The following CROT variants were observed in gnomAD, a reference collection of about 807,000 sequenced individuals.
CROT encodes the protein peroxisomal carnitine O-octanoyltransferase.
CROT carries 84 observed loss-of-function variants against 89.2 expected under a neutral mutation model. That is an observed-to-expected ratio of 0.94 (90% CI 0.79 to 1.13). The LOEUF (loss-of-function observed/expected upper bound fraction) is 1.13, where lower values mean the gene tolerates loss of function less well. CROT is among the 50% of genes most tolerant of loss of function. CROT has a pLI of 0.00. For missense variants in CROT, 711 were observed against 727.8 expected (o/e 0.98, Z 0.27); for synonymous variants, 212 against 239.5 (o/e 0.89, Z 1.06).
chr7:87,364,671 G>T (rs1233110106), intron 6 of CROT, among the ~76,000 whole-genome samples: 1 of 152,076 alleles, frequency 6.6e-6, no homozygotes, highest in African/African-American at 2.4e-5. Flanking sequence ...CAGGAGAGGA[G>T]GAAAAATAAT....
At chr7:87,356,674 G>A (rs906721347) in intron 3 of CROT, among the ~76,000 whole-genome samples, 1 of 152,182 alleles carries the variant, frequency 6.6e-6, no homozygotes, top group Non-Finnish European at 1.5e-5. Context: ...GATAAAGATT[G>A]CTGCCTGTTT....
At chr7:87,378,365 G>T (rs1806878513) in intron 10 of CROT, among the ~76,000 whole-genome samples, 1 of 149,314 alleles carries the variant, frequency 6.7e-6, no homozygotes, top group Admixed American at 6.7e-5. Flanking sequence ...AAAAAAAAGG[G>T]TTCAGTAGTT....
chr7:87,359,873 C>T, intron 4 of CROT: 2 of 985,922 alleles, frequency 2.0e-6, no homozygotes, highest in South Asian at 4.7e-5. Flanking sequence ...TTCTTCAGCT[C>T]AACCATTTCT....
chr7:87,390,116 G>T (rs1807313113), intron 13 of CROT, among the ~76,000 whole-genome samples: 1 of 152,072 alleles, frequency 6.6e-6, no homozygotes, highest in Non-Finnish European at 1.5e-5. Flanking sequence ...TTAACATGTT[G>T]CTCAGTCTCC....
In CROT at chr7:87,392,123, CT is replaced by C. The variant is rs370986515; in HGVS notation, c.1425+419del. On this transcript the variant is annotated intron_variant, in intron 14 of 17. Transcript: ENST00000331536. ...ACAGTTGTATGCTTTGTTTCATACTCTTTTTTTTGAAGCATTTAGACAACAG... is the reference window on the plus strand; with the variant it reads ...ACAGTTGTATGCTTTGTTTCATACTCTTTTTTTGAAGCATTTAGACAACAG... Among the ~76,000 whole-genome samples the C allele has an allele frequency of 4.8e-3, 728 of 152,058 alleles. 2 individuals are homozygous for C. The highest frequency in any genetic ancestry group is 7.7e-3 in the Non-Finnish European group (521 of 67,952).
At chr7:87,354,132 A>T (rs761173191) in intron 3 of CROT, among the ~76,000 whole-genome samples, 1 of 152,248 alleles carries the variant, frequency 6.6e-6, no homozygotes, top group Non-Finnish European at 1.5e-5. Flanking sequence ...TTGTAAAATA[A>T]TAGTTACTCA....
chr7:87,346,012 A>G (rs1479523755), intron 1 of CROT, among the ~76,000 whole-genome samples: 1 of 151,976 alleles, frequency 6.6e-6, no homozygotes, highest in Non-Finnish European at 1.5e-5. Flanking sequence ...TGGTGGGAAG[A>G]GCCTCCGAGC....
At chr7:87,369,999 A>G (rs1032231593) in intron 7 of CROT, among the ~76,000 whole-genome samples, 9 of 152,044 alleles carry the variant, frequency 5.9e-5, no homozygotes, top group African/African-American at 2.2e-4. Flanking sequence ...ATCAACAGTT[A>G]TAAACTCATA....
intron 7 of CROT, among the ~76,000 whole-genome samples, chr7:87,373,750 C>T (rs6949638): frequency 0.72 from 108,781 of 151,762 alleles, 40,886 homozygotes; most frequent in Middle Eastern, 0.84. Context: ...ACGAGATTAC[C>T]AAGGGAGAAA....
chr7:87,364,082 G>A (rs950587389), intron 6 of CROT, among the ~76,000 whole-genome samples: 4 of 152,156 alleles, frequency 2.6e-5, no homozygotes, highest in Non-Finnish European at 4.4e-5. Flanking sequence ...TCTTTAAACC[G>A]TCTTGAATTT....
chr7:87,357,068 A>G (rs543137447), intron 3 of CROT, among the ~76,000 whole-genome samples: 1 of 152,070 alleles, frequency 6.6e-6, no homozygotes, highest in South Asian at 2.1e-4. Flanking sequence ...CAGGTTCCCC[A>G]TGCTATCCTG....
intron 10 of CROT, among the ~76,000 whole-genome samples, chr7:87,377,863 A>G (rs258962): frequency 0.87 from 132,859 of 152,110 alleles, 58,189 homozygotes; most frequent in Middle Eastern, 0.94. Flanking sequence ...AATGACACAT[A>G]ATCTTTGGAA....
At chr7:87,359,109 A>G in intron 3 of CROT, 97 bp from the exon 4 acceptor site, 1 of 834,266 alleles carries the variant, frequency 1.2e-6, no homozygotes, top group South Asian at 1.5e-5. Context: ...ACTGTGTTTT[A>G]CATATCTGAG....
Position 87,375,969 on chromosome 7 carries a change from C to CTT in CROT, c.876+17_876+18insTT. On this transcript the variant is annotated intron_variant, in intron 9 of 17. Transcript: ENST00000331536. ...TTATTCTGAGGTACTTAACTACCTTCTCTTTTTTTTTTTATTGCAGATTTT... is the reference window on the plus strand; with the variant it reads ...TTATTCTGAGGTACTTAACTACCTTCTTTCTTTTTTTTTTTATTGCAGATTTT... 1 of 1,436,544 alleles carries CTT rather than the reference C, an allele frequency of 7.0e-7. No individual in the cohort carries two copies. 89.0% of individuals were successfully genotyped at this position (1,436,544 alleles called of 1,614,324 possible).
chr7:87,345,799 A>T (rs1805644072), intron 1 of CROT, 32 bp downstream of exon 1: 1 of 237,228 alleles, frequency 4.2e-6, no homozygotes, highest in Non-Finnish European at 7.9e-6. Context: ...TCCCTCCCCT[A>T]ATCCTTCAAC....
At chr7:87,383,021 A>AT (rs1318777043) in intron 13 of CROT, among the ~76,000 whole-genome samples, 3 of 152,112 alleles carry the variant, frequency 2.0e-5, no homozygotes, top group Admixed American at 6.6e-5. Flanking sequence ...GGTACATGTG[A>AT]TTTTTTTGAT....
intron 6 of CROT, among the ~76,000 whole-genome samples, 158 bp downstream of exon 6, chr7:87,362,010 T>C (rs1200118262): frequency 1.3e-5 from 2 of 152,228 alleles, no homozygotes; most frequent in African/African-American, 4.8e-5. Context: ...TCTGATTAGA[T>C]GTAATTTATG....
chr7:87,345,692 A>G lies in CROT; in HGVS notation c.-188A>G, dbSNP rs1236838923. The G allele has an allele frequency of 2.7e-5, 10 of 373,446 alleles. No homozygotes were observed. The East Asian group carries it at 3.8e-4, about 14-fold the overall frequency. The allele number at this position is 373,446 out of a possible 1,614,324, so 23.1% of individuals were successfully genotyped here. A position where few individuals can be genotyped will look rare whatever the true frequency, so the allele number is the denominator to read the frequency against. ...CCAATTCCCGCACCTTTGAGGCCCA[A>G]GGGGGAGCGAGCCGGTGCTGCTGCA... On this transcript the variant is annotated 5_prime_UTR_variant, in exon 1 of 18. Coordinates refer to ENST00000331536, the MANE Select transcript of CROT (RefSeq NM_021151.4).
chr7:87,395,746 C>G (rs1044819528), intron 17 of CROT, among the ~76,000 whole-genome samples: 1 of 152,120 alleles, frequency 6.6e-6, no homozygotes, highest in Admixed American at 6.6e-5. Flanking sequence ...CCCTGGCCAC[C>G]CAGAACCCCA....
Sources: gnomAD v4.1 joint callset for allele counts (sites outside exome capture counted in the v4.1 genomes callset) on GRCh38, gnomAD v4.1.1 for gene constraint, MANE v1.5 for transcripts, NCBI Gene and HGNC (gene_info 2026-07-23, HGNC 2026-07-21) for gene names.